KCNH1: variants seen among roughly 807,000 people sequenced by gnomAD.
KCNH1 encodes potassium voltage-gated channel subfamily H member 1.
A neutral mutation model predicts 69.2 loss-of-function variants in KCNH1; 27 were observed. That is an observed-to-expected ratio of 0.39 (90% confidence interval 0.29 to 0.54). The LOEUF (loss-of-function observed/expected upper bound fraction) is 0.54. KCNH1 is among the 20% of genes least tolerant of loss of function. The probability of loss-of-function intolerance (pLI) is 0.68; values close to 1 mark genes in which losing one functional copy is unlikely to be tolerated. For missense variants in KCNH1, 798 were observed against 1,261.6 expected (o/e 0.63, Z 5.57); for synonymous variants, 456 against 487.7 (o/e 0.93, Z 0.86).
At chr1:211,019,321 C>A in intron 5 of KCNH1, 65 bp from the exon 6 acceptor site, 1 of 1,023,070 alleles carries the variant, frequency 9.8e-7, no homozygotes, top group Non-Finnish European at 1.4e-6. Context: ...TCTAACCAGT[C>A]AGCATCAGTG....
In KCNH1 at chr1:211,008,059, C is replaced by A. The variant is rs140540472; in HGVS notation, c.1032+10724G>T. Among the ~76,000 whole-genome samples, 175 of 151,870 alleles carry A rather than the reference C, an allele frequency of 1.2e-3. 1 individual carries two copies. The highest frequency in any genetic ancestry group is 1.8e-3 in the Admixed American group (28 of 15,246). ...CAATTCTACTTCTATATATATATAC[C>A]CAAAAGAATTAAAAGCAGGGACTTG... On this transcript the variant is annotated intron_variant, in intron 6 of 10. Coordinates refer to ENST00000271751, the MANE Select transcript of KCNH1 (RefSeq NM_172362.3).
chr1:211,103,798 T>A (rs958701756), intron 2 of KCNH1, among the ~76,000 whole-genome samples, 196 bp from the exon 3 acceptor site: 1 of 152,156 alleles, frequency 6.6e-6, no homozygotes, highest in African/African-American at 2.4e-5. Context: ...TCCAAAAAAC[T>A]AACAGTCTAA....
At chr1:210,920,625 T>A (rs1476938297) in intron 6 of KCNH1, among the ~76,000 whole-genome samples, 1 of 151,860 alleles carries the variant, frequency 6.6e-6, no homozygotes, top group Non-Finnish European at 1.5e-5. Context: ...ATATTTTTGT[T>A]ATATTTACTT....
chr1:210,951,034 T>C (rs1328057418), intron 6 of KCNH1, among the ~76,000 whole-genome samples: 1 of 152,176 alleles, frequency 6.6e-6, no homozygotes, highest in African/African-American at 2.4e-5. Flanking sequence ...ATTAAAAGGT[T>C]AAATGGGTAA....
intron 6 of KCNH1, among the ~76,000 whole-genome samples, chr1:210,941,403 G>A (rs75785430): frequency 0.047 from 7,138 of 152,170 alleles, 243 homozygotes; most frequent in African/African-American, 0.083. Context: ...CCACTAGCAG[G>A]TTGGGGGCAA....
intron 5 of KCNH1, among the ~76,000 whole-genome samples, chr1:211,037,501 T>C (rs1392933480): frequency 6.6e-6 from 1 of 150,818 alleles, no homozygotes; most frequent in Non-Finnish European, 1.5e-5. Flanking sequence ...GCTTTTTTTT[T>C]TTTTTTTTTT....
chr1:210,971,502 C>T (rs1327344039), intron 6 of KCNH1, among the ~76,000 whole-genome samples: 1 of 152,080 alleles, frequency 6.6e-6, no homozygotes, highest in Non-Finnish European at 1.5e-5. Flanking sequence ...GTAATAAATA[C>T]TCAAGGCACA....
rs78363087 is a variant in KCNH1 at position 210,953,777 on chromosome 1, C to T, written c.1033-33708G>A. ...AAAACCCTCTCTTATCCAGAACCTT[C>T]GATCTCTTACTTCTACTCTGCCTCT... On this transcript the variant is annotated intron_variant, in intron 6 of 10. Transcript: ENST00000271751. Among the ~76,000 whole-genome samples the T allele has an allele frequency of 5.8e-3, 887 of 152,252 alleles. 34 individuals carry two copies. The highest frequency in any genetic ancestry group is 0.049 in the Admixed American group (748 of 15,280).
chr1:210,877,456 C>T (rs1686401579), intron 7 of KCNH1, among the ~76,000 whole-genome samples: 1 of 152,166 alleles, frequency 6.6e-6, no homozygotes, highest in Admixed American at 6.5e-5. Flanking sequence ...GAATCCATTT[C>T]CTTCACATTG....
At chr1:210,737,374 A>G (rs983433849) in intron 10 of KCNH1, among the ~76,000 whole-genome samples, 2 of 152,186 alleles carry the variant, frequency 1.3e-5, no homozygotes, top group African/African-American at 4.8e-5. Flanking sequence ...AATGTTTGCT[A>G]TCTTACCTGT....
intron 9 of KCNH1, among the ~76,000 whole-genome samples, chr1:210,783,971 G>C (rs536571954): frequency 6.6e-6 from 1 of 152,344 alleles, no homozygotes; most frequent in Admixed American, 6.5e-5. Flanking sequence ...CTAATGGACT[G>C]AAGAGTAAAA....
chr1:210,883,632 T>A (rs1686541854), intron 7 of KCNH1, among the ~76,000 whole-genome samples: 1 of 152,254 alleles, frequency 6.6e-6, no homozygotes, highest in Non-Finnish European at 1.5e-5. Flanking sequence ...AAAGTGCATA[T>A]AAATTATATT....
At chr1:211,003,965 C>T (rs745755819) in intron 6 of KCNH1, among the ~76,000 whole-genome samples, 34 of 152,016 alleles carry the variant, frequency 2.2e-4, no homozygotes, top group East Asian at 7.8e-4. Flanking sequence ...AGGTGGTGGG[C>T]GCCTGTAGTC....
chr1:210,796,093 T>G, intron 9 of KCNH1, among the ~76,000 whole-genome samples: 1 of 148,846 alleles, frequency 6.7e-6, no homozygotes, highest in East Asian at 2.0e-4. Flanking sequence ...AGGCAGAGCT[T>G]GCAGTGAGCC....
rs535424750 is a variant in KCNH1, at chr1:210,939,914, CAAG to C, written c.1033-19848_1033-19846del. Among the ~76,000 whole-genome samples, 661 of 152,242 alleles carry C rather than the reference CAAG, an allele frequency of 4.3e-3. 4 individuals are homozygous for C. The highest frequency in any genetic ancestry group is 4.1e-3 in the Non-Finnish European group (281 of 68,016). ...GAATGGAAACTCAAACTGTGACTTA[CAAG>C]AAGTTTTGACAATGGAAAATCTAGT... On this transcript the variant is annotated intron_variant, in intron 6 of 10. Transcript: ENST00000271751.
At chr1:210,769,520 G>T (rs574924130) in intron 10 of KCNH1, among the ~76,000 whole-genome samples, 9 of 152,172 alleles carry the variant, frequency 5.9e-5, no homozygotes, top group African/African-American at 1.9e-4. Context: ...AATTCATCCT[G>T]GAACAAATTA....
At chr1:211,003,061 G>T (rs957857480) in intron 6 of KCNH1, among the ~76,000 whole-genome samples, 1 of 151,796 alleles carries the variant, frequency 6.6e-6, no homozygotes, top group Non-Finnish European at 1.5e-5. Flanking sequence ...TTGTTTGTTT[G>T]TTTACATCAT....
chr1:211,120,779 A>T (rs960038559), intron 1 of KCNH1, among the ~76,000 whole-genome samples: 7 of 152,156 alleles, frequency 4.6e-5, no homozygotes, highest in African/African-American at 1.7e-4. Context: ...ATGTTTAGAA[A>T]ACACCATCAT....
At chr1:210,960,926 T>G (rs1688280508) in intron 6 of KCNH1, among the ~76,000 whole-genome samples, 1 of 152,236 alleles carries the variant, frequency 6.6e-6, no homozygotes, top group Non-Finnish European at 1.5e-5. Context: ...CAGTTTTTAA[T>G]TTTAACCATT....
Sources: allele counts gnomAD v4.1 joint callset (sites outside exome capture counted in the v4.1 genomes callset), GRCh38; gene constraint gnomAD v4.1.1; transcripts MANE v1.5; gene names NCBI Gene and HGNC (gene_info 2026-07-23, HGNC 2026-07-21).